Variants in KDM6A observed in about 807,000 individuals in gnomAD.
The protein encoded by KDM6A is lysine demethylase 6A, also known as lysine-specific demethylase 6A.
Under a neutral mutation model 117.6 loss-of-function variants are expected in KDM6A, and 11 were observed. That is an observed-to-expected ratio of 0.09 (90% CI 0.06 to 0.15). The LOEUF (loss-of-function observed/expected upper bound fraction) is 0.15. Among genes scored for constraint, KDM6A ranks in the 10% least tolerant of loss-of-function variants. The pLI, the probability that KDM6A is intolerant of heterozygous loss-of-function variation, is 1.00. For synonymous variants in KDM6A, 384 were observed against 396.1 expected (o/e 0.97, Z 0.36); for missense variants, 799 against 1,077.3 (o/e 0.74, Z 3.62).
intron 8 of KDM6A, among the ~76,000 whole-genome samples, chrX:45,042,295 AGAGGGGAGAG>A: frequency 1.6e-5 from 1 of 62,270 alleles, no homozygotes; most frequent in Non-Finnish European, 2.5e-5. Flanking sequence ...GGGAGAGGGG[AGAGGGGAGAG>A]GGAGAGTCAT....
At chrX:44,963,342 G>A (rs890234590) in intron 3 of KDM6A, among the ~76,000 whole-genome samples, 4 of 109,241 alleles carry the variant, frequency 3.7e-5, no homozygotes, top group Non-Finnish European at 5.7e-5. Context: ...ACCTACCCTG[G>A]AGGCTGAAGT....
At chrX:45,091,118 T>G (rs771767692) in intron 27 of KDM6A, among the ~76,000 whole-genome samples, 14 of 111,357 alleles carry the variant, frequency 1.3e-4, no homozygotes, top group African/African-American at 3.6e-4. Context: ...CATTTCCCTC[T>G]GAACCACCTG....
chrX:44,894,984 C>T (rs1045081475), intron 2 of KDM6A, among the ~76,000 whole-genome samples: 2 of 110,966 alleles, frequency 1.8e-5, no homozygotes, highest in African/African-American at 6.5e-5. Context: ...CCAAGCTGGT[C>T]TCGAACTCCT....
At position 45,094,174 on chromosome X, in the gene KDM6A, C is replaced by T. The variant is rs927385016; in HGVS notation, c.4034+3310C>T. Among the ~76,000 whole-genome samples, 3 of 111,723 alleles carry T rather than the reference C, an allele frequency of 2.7e-5. No homozygotes were observed. The Admixed American group carries it at 2.9e-4, about 11-fold the overall frequency. On this transcript the variant is annotated intron_variant, in intron 27 of 29. Transcript: ENST00000611820. Reference sequence around the variant, plus strand: ...CTTTCTTTGATTTAATGAGTCTTTGCTTATTGTATGCAAGGCTCTAGGCTA... The same window carrying T: ...CTTTCTTTGATTTAATGAGTCTTTGTTTATTGTATGCAAGGCTCTAGGCTA...
At chrX:44,963,437 C>CAG (rs1436656496) in intron 3 of KDM6A, among the ~76,000 whole-genome samples, 4 of 63,523 alleles carry the variant, frequency 6.3e-5, no homozygotes, top group African/African-American at 1.6e-4. Context: ...GCCAGGGTGA[C>CAG]AGAGTGTGTG....
chrX:44,941,095 TTA>T (rs775855901), intron 2 of KDM6A, among the ~76,000 whole-genome samples: 29 of 111,861 alleles, frequency 2.6e-4, no homozygotes, highest in Non-Finnish European at 4.3e-4. Flanking sequence ...ACATAACTTT[TTA>T]ACTGTTTTAT....
At chrX:45,070,650 CAA>C (rs761638576) in intron 18 of KDM6A, among the ~76,000 whole-genome samples, 1 of 109,192 alleles carries the variant, frequency 9.2e-6, no homozygotes, top group African/African-American at 3.3e-5. Context: ...GGGATTTAAA[CAA>C]GAGAATGGGT....
chrX:44,917,170 G>T lies in KDM6A; in HGVS notation c.225+43183G>T, dbSNP rs150586339. Among the ~76,000 whole-genome samples, 14 of 109,848 alleles carry T rather than the reference G, an allele frequency of 1.3e-4. No individual in the cohort carries two copies. The East Asian group carries it at 4.0e-3, about 31-fold the overall frequency. ...CCTCCCTAGTAGCTGGAATTAACAG[G>T]CACGTGCCACCATCCCCGGCTAATA... On this transcript the variant is annotated intron_variant, in intron 2 of 29. Coordinates refer to ENST00000611820, the MANE Select transcript of KDM6A (RefSeq NM_001291415.2).
chrX:44,900,420 C>T (rs60466385), intron 2 of KDM6A, among the ~76,000 whole-genome samples: 1 of 111,758 alleles, frequency 8.9e-6, no homozygotes, highest in African/African-American at 3.3e-5. Context: ...TAGTAAAGTT[C>T]TACAATTTTA....
intron 6 of KDM6A, among the ~76,000 whole-genome samples, chrX:45,029,609 CA>C (rs548329887): frequency 1.7e-3 from 137 of 80,740 alleles, no homozygotes; most frequent in South Asian, 8.5e-3. Flanking sequence ...GAGATTGTCT[CA>C]AAAAAAAAAA....
At position 45,111,657 on chromosome X, in the gene KDM6A, A is replaced by G; in HGVS notation, c.*246A>G. ...AATTTCCATGTTTTGTATATATCTGACAAAACTGGCAACATCTTACAGACT... is the reference window on the plus strand; with the variant it reads ...AATTTCCATGTTTTGTATATATCTGGCAAAACTGGCAACATCTTACAGACT... On this transcript the variant is annotated 3_prime_UTR_variant, in exon 30 of 30. Transcript: ENST00000611820. The G allele has an allele frequency of 2.9e-6, 1 of 341,626 alleles. No individual in the cohort carries two copies. The highest frequency in any genetic ancestry group is 5.1e-6 in the Non-Finnish European group (1 of 194,402). The allele number at this position is 341,626 out of a possible 1,213,427, so 28.2% of individuals were successfully genotyped here.
chrX:45,025,008 G>A (rs948488553), intron 6 of KDM6A, among the ~76,000 whole-genome samples: 8 of 112,266 alleles, frequency 7.1e-5, no homozygotes, highest in Non-Finnish European at 1.5e-4. Flanking sequence ...TTAGTGAGCA[G>A]TGGAGATACC....
intron 4 of KDM6A, among the ~76,000 whole-genome samples, chrX:44,996,590 G>T (rs1412159866): frequency 9.1e-6 from 1 of 109,980 alleles, no homozygotes; most frequent in Non-Finnish European, 1.9e-5. Flanking sequence ...ATAAAGTTTT[G>T]CCAACCTCTT....
chrX:44,918,728 A>G (rs1746674089), intron 2 of KDM6A, among the ~76,000 whole-genome samples: 1 of 111,942 alleles, frequency 8.9e-6, no homozygotes, highest in Admixed American at 9.5e-5. Flanking sequence ...CTAATAAACT[A>G]GAATAATTTG....
intron 2 of KDM6A, among the ~76,000 whole-genome samples, chrX:44,905,345 A>G (rs1455686984): frequency 2.7e-5 from 3 of 112,232 alleles, no homozygotes; most frequent in African/African-American, 9.7e-5. Flanking sequence ...GTTTAGACAC[A>G]AATATTTACC....
In KDM6A at chrX:45,020,646, T is replaced by A. The variant is rs757115812; in HGVS notation, c.480T>A (p.Asp160Glu). The A allele has an allele frequency of 5.0e-6, 6 of 1,209,354 alleles. No homozygotes were observed. The highest frequency in any genetic ancestry group is 6.7e-6 in the Non-Finnish European group (6 of 893,341). The change falls in exon 6 of 30, where the codon GAT (aspartate) becomes GAA (glutamate). Residue 160 changes from aspartate (D) to glutamate (E), a missense_variant. Asp to Glu is a conservative substitution (Grantham distance 45, BLOSUM62 2). Transcript: ENST00000611820. ...CATTTCAGGAGGTGCTTTATGTTGATCCCAGCTTTTGTCGAGCCAAGGAAA... is the reference window on the plus strand; with the variant it reads ...CATTTCAGGAGGTGCTTTATGTTGAACCCAGCTTTTGTCGAGCCAAGGAAA... ...IKAFQEVLYV[D>E]PSFCRAKEIH...
chrX:45,082,873 C>T (rs2045478647), intron 23 of KDM6A, 84 bp downstream of exon 23: 5 of 615,433 alleles, frequency 8.1e-6, no homozygotes, highest in Non-Finnish European at 1.3e-5. Context: ...ATTTCCTCTT[C>T]TGTTTCATTT....
chrX:44,880,482 T>C (rs1419397977), intron 2 of KDM6A, among the ~76,000 whole-genome samples: 1 of 105,199 alleles, frequency 9.5e-6, no homozygotes, highest in African/African-American at 3.5e-5. Context: ...ACCGTAGACA[T>C]ATATTACCTT....
At chrX:44,934,237 A>T (rs771323490) in intron 2 of KDM6A, among the ~76,000 whole-genome samples, 3 of 111,649 alleles carry the variant, frequency 2.7e-5, no homozygotes, top group Non-Finnish European at 5.7e-5. Flanking sequence ...GCATGCCATC[A>T]TCTTTAGGGG....
Sources: allele counts gnomAD v4.1 joint callset (sites outside exome capture counted in the v4.1 genomes callset), GRCh38; gene constraint gnomAD v4.1.1; transcripts MANE v1.5; gene names NCBI Gene and HGNC (gene_info 2026-07-23, HGNC 2026-07-21).